Variants in AZGP1 observed in about 807,000 individuals in gnomAD.
AZGP1 encodes zinc-alpha-2-glycoprotein.
Under a neutral mutation model 31.5 loss-of-function variants are expected in AZGP1, and 28 were observed. The observed-to-expected ratio is 0.89, with a 90% CI of 0.66 to 1.22. The LOEUF (loss-of-function observed/expected upper bound fraction) is 1.22. Ranked by LOEUF, AZGP1 falls within the 50% of genes most tolerant of loss-of-function variation. The pLI is 0.00. For missense variants in AZGP1, 361 were observed against 371.8 expected, an observed-to-expected ratio of 0.97 and a Z score of 0.24; for synonymous variants, 135 against 145.4, an observed-to-expected ratio of 0.93 and a Z score of 0.51.
intron 2 of AZGP1, among the ~76,000 whole-genome samples, chr7:99,970,695 T>C (rs967775189): frequency 3.9e-5 from 6 of 152,140 alleles, no homozygotes; most frequent in Admixed American, 6.6e-5. Flanking sequence ...ACACACAGCC[T>C]GGGCCATTTT....
At chr7:99,972,940 A>AC (rs1017294200) in intron 1 of AZGP1, among the ~76,000 whole-genome samples, 25 of 151,984 alleles carry the variant, frequency 1.6e-4, no homozygotes, top group Non-Finnish European at 1.8e-4. Flanking sequence ...ACATGGTGAA[A>AC]CCCCGTCTCT....
chr7:99,967,647 C>T (rs574630849), intron 3 of AZGP1: 1 of 424,066 alleles, frequency 2.4e-6, no homozygotes, highest in East Asian at 4.8e-5. Flanking sequence ...ACTGCACAAT[C>T]CTGAGTCTCA....
At chr7:99,971,471 G>C in intron 2 of AZGP1, 1 of 409,320 alleles carries the variant, frequency 2.4e-6, no homozygotes, top group Non-Finnish European at 4.4e-6. Context: ...GGGGTGTGGA[G>C]GTGAGAGGTC....
chr7:99,970,242 GTT>G (rs953161669), intron 2 of AZGP1, among the ~76,000 whole-genome samples: 1 of 36,370 alleles, frequency 2.7e-5, no homozygotes, highest in East Asian at 4.3e-4. Flanking sequence ...TCCTTTTTTT[GTT>G]TTTTGTTTTT....
At position 99,971,988 on chromosome 7, in the gene AZGP1, T is replaced by C; in HGVS notation, c.95A>G (p.Tyr32Cys). ...ATGCTTGGACAGCCCAGTGTAGATA[T>C]AGGTCAGAGAGTAACGACCTGCAAA... ...ENQDGRYSLT[Y>C]IYTGLSKHVE... The change falls in exon 2 of 4, where the codon TAT becomes TGT. Residue 32 changes from tyrosine to cysteine, a missense_variant. Tyr to Cys is a radical substitution (Grantham distance 194). Coordinates refer to ENST00000292401, the MANE Select transcript of AZGP1 (RefSeq NM_001185.4). 1.2e-6 allele frequency: 2 copies of C among 1,612,664 alleles called. No individual in the cohort carries two copies. Among genetic ancestry groups the C allele is most frequent in the Non-Finnish European group, 8.5e-7 (1 of 1,179,238 alleles).
intron 1 of AZGP1, among the ~76,000 whole-genome samples, chr7:99,974,389 T>C (rs1005172636): frequency 6.6e-6 from 1 of 151,794 alleles, no homozygotes; most frequent in Non-Finnish European, 1.5e-5. Context: ...ATATCAAGAC[T>C]AGCCTGGCCA....
rs777524449 is a variant in AZGP1 at position 99,976,022 on chromosome 7, G to A, written c.-2C>T. The A allele has an allele frequency of 1.2e-6, 2 of 1,614,010 alleles. No individual in the cohort carries two copies. The highest frequency in any genetic ancestry group is 1.1e-5 in the South Asian group (1 of 91,080). On this transcript the variant is annotated 5_prime_UTR_variant, in exon 1 of 4. Transcript: ENST00000292401. ...CAGGACAGGCACCATTCTTACCATT[G>A]TGTCTGCTTGGAGGGTTCTGGGCAG...
In AZGP1 at chr7:99,972,750, G is replaced by A. The variant is rs150152697; in HGVS notation, c.77-744C>T. On this transcript the variant is annotated intron_variant, in intron 1 of 3. Transcript: ENST00000292401. Reference sequence around the variant, plus strand: ...AATCACTTGAACCAGAGAGGCAGAGGTTGCAACAAGCCAAGATCATGCCAC... The same window carrying A: ...AATCACTTGAACCAGAGAGGCAGAGATTGCAACAAGCCAAGATCATGCCAC... Among the ~76,000 whole-genome samples the A allele has an allele frequency of 7.2e-3, 1,098 of 152,186 alleles. 18 individuals carry two copies. Among genetic ancestry groups the A allele is most frequent in the African/African-American group, 0.025 (1,024 of 41,510 alleles).
intron 2 of AZGP1, chr7:99,968,854 T>C (rs1374462480): frequency 5.9e-6 from 1 of 170,726 alleles, no homozygotes; most frequent in African/African-American, 2.5e-5. Flanking sequence ...CCCCAGCTAC[T>C]CAGGAGGCTG....
At chr7:99,972,051 C>G in intron 1 of AZGP1, 45 bp from the exon 2 acceptor site, 1 of 1,557,076 alleles carries the variant, frequency 6.4e-7, no homozygotes, top group Non-Finnish European at 8.7e-7. Flanking sequence ...TGCAAGGGTC[C>G]CACTGTGGGG....
chr7:99,970,668 C>G (rs1414935499), intron 2 of AZGP1, among the ~76,000 whole-genome samples: 1 of 152,102 alleles, frequency 6.6e-6, no homozygotes, highest in Non-Finnish European at 1.5e-5. Flanking sequence ...CCTGTGCCCC[C>G]TCCTCTCCTA....
chr7:99,975,964 G>A lies in AZGP1; in HGVS notation c.57C>T (p.Val19=). ...LSLLLLLGPA[V]PQENQDGRYS... is the part of the protein sequence containing the mutation. Reference sequence around the variant, plus strand: ...ACTCACCATCTTGGTTCTCCTGGGGGACAGCAGGACCCAGAAGCAGCAGCA... The same window carrying A: ...ACTCACCATCTTGGTTCTCCTGGGGAACAGCAGGACCCAGAAGCAGCAGCA... The change falls in exon 1 of 4, where the codon GTC becomes GTT. Residue 19 remains valine (V), a synonymous_variant. Coordinates refer to ENST00000292401, the MANE Select transcript of AZGP1 (RefSeq NM_001185.4). 1 of 1,614,034 alleles carries A rather than the reference G, an allele frequency of 6.2e-7. No homozygotes were observed. Among genetic ancestry groups the A allele is most frequent in the Non-Finnish European group, 8.5e-7 (1 of 1,180,006 alleles).
At position 99,968,157 on chromosome 7, in the gene AZGP1, T is replaced by G. The variant is rs1562797143; in HGVS notation, c.611A>C (p.Gln204Pro). The change falls in exon 3 of 4, where the codon CAA becomes CCA. Residue 204 changes from glutamine (Q) to proline (P), a missense_variant and splice_region_variant. Transcript: ENST00000292401. ...GGGGAGCAGGAAGCAGTGAGTACCT[T>G]GCCGGTCCAGGATATTTTTGCTGTA... ...LKYSKNILDRQDPPSVVVTSH... is the reference protein window; with the variant it reads ...LKYSKNILDRPDPPSVVVTSH... The G allele has an allele frequency of 6.2e-7, 1 of 1,613,902 alleles. No individual in the cohort carries two copies.
Position 99,967,282 on chromosome 7 carries a change from A to C in AZGP1, c.618T>G (p.Pro206=), listed in dbSNP as rs1195679972. Residue 206 remains proline (P), a synonymous_variant, in exon 4 of 4, where the codon CCT becomes CCG. Transcript: ENST00000292401. ...YSKNILDRQD[P]PSVVVTSHQA... ...GGTGGCTGGTGACCACCACAGAGGG[A>C]GGATCTGTGGAGGGATAGAGTGTGA... 1 of 1,611,382 alleles carries C rather than the reference A, an allele frequency of 6.2e-7. No individual in the cohort carries two copies. Among genetic ancestry groups the C allele is most frequent in the East Asian group, 2.2e-5 (1 of 44,848 alleles).
intron 1 of AZGP1, among the ~76,000 whole-genome samples, chr7:99,973,858 G>A (rs1354317216): frequency 2.0e-5 from 3 of 150,446 alleles, no homozygotes; most frequent in East Asian, 3.9e-4. Flanking sequence ...AGAGGTTGCA[G>A]TGAGCCAAGA....
chr7:99,968,291 T>G lies in AZGP1; in HGVS notation c.477A>C (p.Pro159=). ...ACTTCTGCTTGGTTATCTGGGCTGCTGGGTCGAAGGGGACCCAGGCTGGGA... is the reference window on the plus strand; with the variant it reads ...ACTTCTGCTTGGTTATCTGGGCTGCGGGGTCGAAGGGGACCCAGGCTGGGA... The part of the protein sequence containing the change: ...KEIPAWVPFD[P]AAQITKQKWE... Residue 159 remains proline, a synonymous_variant, in exon 3 of 4, where the codon CCA becomes CCC. Transcript: ENST00000292401. 6.2e-7 allele frequency: 1 copy of G among 1,613,894 alleles called. No individual in the cohort carries two copies. The highest frequency in any genetic ancestry group is 8.5e-7 in the Non-Finnish European group (1 of 1,179,994).
chr7:99,968,688 C>T (rs933516055), intron 2 of AZGP1: 7 of 495,770 alleles, frequency 1.4e-5, no homozygotes, highest in East Asian at 7.7e-5. Flanking sequence ...ACAGCCTGGG[C>T]GCTGTGGCTC....
chr7:99,973,299 G>A lies in AZGP1; in HGVS notation c.77-1293C>T, dbSNP rs1050196327. ...TGCATTTTGGTACAAGGTGGGATCT[G>A]GGAGAGAGGGACATTTCCATAATAG... On this transcript the variant is annotated intron_variant, in intron 1 of 3. Coordinates refer to ENST00000292401, the MANE Select transcript of AZGP1 (RefSeq NM_001185.4). Among the ~76,000 whole-genome samples, 3 of 152,122 alleles carry A rather than the reference G, an allele frequency of 2.0e-5. No individual in the cohort carries two copies. In the South Asian group the frequency reaches 6.2e-4, roughly 32 times the overall value.
At chr7:99,974,027 C>A (rs1327242168) in intron 1 of AZGP1, among the ~76,000 whole-genome samples, 1 of 150,566 alleles carries the variant, frequency 6.6e-6, no homozygotes. Context: ...AATTCCAGCA[C>A]TCTGGGAGGC....
Sources: gnomAD v4.1 joint callset for allele counts (sites outside exome capture counted in the v4.1 genomes callset) on GRCh38, gnomAD v4.1.1 for gene constraint, MANE v1.5 for transcripts, NCBI Gene and HGNC (gene_info 2026-07-23, HGNC 2026-07-21) for gene names.